Variants in KLHL13 observed in about 807,000 individuals in gnomAD.
The protein encoded by KLHL13 is kelch like family member 13.
A neutral mutation model predicts 37.1 loss-of-function variants in KLHL13; 10 were observed. The observed-to-expected ratio is 0.27, with a 90% CI of 0.17 to 0.46. KLHL13 has a LOEUF of 0.46. Ranked by LOEUF, KLHL13 falls within the 20% of genes least tolerant of loss-of-function variation. The pLI, the probability that KLHL13 is intolerant of heterozygous loss-of-function variation, is 1.00. For synonymous variants in KLHL13, 163 were observed against 181.2 expected (o/e 0.90, Z 0.81); for missense variants, 360 against 509.3 (o/e 0.71, Z 2.82).
rs750755409 is a variant in KLHL13, at chrX:117,991,137, T to TAAAAAAAAAAA, written c.-55-45573_-55-45563dup. 1.4e-3 allele frequency among the ~76,000 whole-genome samples: 119 copies of TAAAAAAAAAAA among 83,870 alleles called. 7 individuals are homozygous for TAAAAAAAAAAA. The highest frequency in any genetic ancestry group is 8.6e-3 in the African/African-American group (114 of 13,322). 72.8% of individuals were successfully genotyped at this position (83,870 alleles called of 115,157 possible). ...AAGGCTGGAAATTTTCATTAAAAAG[T>TAAAAAAAAAAA]AAAAAAAAAAAAGTCTTATAAATGA... On this transcript the variant is annotated intron_variant, in intron 1 of 6. Transcript: ENST00000371882.
rs756441702 is a variant in KLHL13, at chrX:118,075,388, C to T, written c.-56+41120G>A. Among the ~76,000 whole-genome samples, 17 of 112,082 alleles carry T rather than the reference C, an allele frequency of 1.5e-4. No individual in the cohort carries two copies. In the South Asian group the frequency reaches 6.3e-3, roughly 42 times the overall value. Reference sequence around the variant, plus strand: ...CTTCAGAATAGCATTAGCAGTATTTCTCAAAATGCAGTTGAACAAACTGAA... The same window carrying T: ...CTTCAGAATAGCATTAGCAGTATTTTTCAAAATGCAGTTGAACAAACTGAA... On this transcript the variant is annotated intron_variant, in intron 1 of 6. Transcript: ENST00000371882.
intron 1 of KLHL13, among the ~76,000 whole-genome samples, chrX:118,058,183 C>T (rs2054705477): frequency 8.9e-6 from 1 of 111,800 alleles, no homozygotes; most frequent in South Asian, 3.7e-4. Context: ...CACTGTTTCT[C>T]ATACTGATAT....
intron 1 of KLHL13, among the ~76,000 whole-genome samples, chrX:118,102,530 C>T (rs1043047978): frequency 2.7e-5 from 3 of 112,217 alleles, no homozygotes; most frequent in Non-Finnish European, 5.6e-5. Flanking sequence ...GCATATAATG[C>T]TGTGAGTACC....
intron 1 of KLHL13, among the ~76,000 whole-genome samples, chrX:118,031,143 C>T (rs1342956651): frequency 2.7e-5 from 3 of 110,480 alleles, no homozygotes; most frequent in Admixed American, 9.9e-5. Context: ...AGACCAGGTA[C>T]CTCCAAGTCT....
Position 117,934,655 on chromosome X carries a change from A to G in KLHL13, c.240+10779T>C, listed in dbSNP as rs141200375. ...AGGGATCTGTATCTAGAATACATAT[A>G]TATGTAAAATATATATATACACATA... On this transcript the variant is annotated intron_variant, in intron 2 of 6. Transcript: ENST00000262820. 3.4e-4 allele frequency among the ~76,000 whole-genome samples: 37 copies of G among 110,323 alleles called. 1 individual carries two copies. In the East Asian group the frequency reaches 0.01, roughly 30 times the overall value.
rs896852278 is a variant in KLHL13 at position 118,091,577 on chromosome X, C to T, written c.-56+24931G>A. 3.6e-5 allele frequency among the ~76,000 whole-genome samples: 4 copies of T among 109,845 alleles called. 1 individual carries two copies. The highest frequency in any genetic ancestry group is 1.3e-4 in the African/African-American group (4 of 30,450). On this transcript the variant is annotated intron_variant, in intron 1 of 6. Transcript: ENST00000371882. ...CAGTGAACTGTAAAACAGAAGAACA[C>T]TAATTATCCAACCTTAAAAACAAAG...
At chrX:117,993,925 G>A (rs1276042069) in intron 1 of KLHL13, among the ~76,000 whole-genome samples, 1 of 108,640 alleles carries the variant, frequency 9.2e-6, no homozygotes, top group African/African-American at 3.4e-5. Flanking sequence ...TAGTAGAGAC[G>A]GGGTTTCTCC....
chrX:117,934,339 T>C (rs1180128750), intron 2 of KLHL13, among the ~76,000 whole-genome samples: 1 of 110,861 alleles, frequency 9.0e-6, no homozygotes, highest in African/African-American at 3.3e-5. Context: ...TAAATTGAGG[T>C]TTATCAGACA....
At chrX:117,907,382 A>C (rs778901349) in intron 5 of KLHL13, among the ~76,000 whole-genome samples, 1 of 112,010 alleles carries the variant, frequency 8.9e-6, no homozygotes, top group South Asian at 3.7e-4. Context: ...AAGTAGCCGC[A>C]TATTAACAGG....
intron 1 of KLHL13, among the ~76,000 whole-genome samples, chrX:117,970,210 CAATGAAAACCACGT>C (rs2053501330): frequency 9.0e-6 from 1 of 111,478 alleles, no homozygotes; most frequent in Admixed American, 9.6e-5. Flanking sequence ...CTCAAGTCTT[CAATGAAAACCACGT>C]AATGTATATT....
intron 1 of KLHL13, among the ~76,000 whole-genome samples, chrX:118,030,860 T>C (rs186613898): frequency 2.1e-4 from 24 of 111,992 alleles, no homozygotes; most frequent in African/African-American, 7.8e-4. Context: ...TTTCTGCTCA[T>C]TGTAAATCAA....
intron 1 of KLHL13, among the ~76,000 whole-genome samples, chrX:118,048,791 T>C (rs1014658602): frequency 2.3e-4 from 26 of 111,200 alleles, no homozygotes; most frequent in African/African-American, 8.5e-4. Context: ...GACACCCTCA[T>C]GAATAAAAGG....
At chrX:117,927,066 C>T (rs1932099561) in intron 2 of KLHL13, among the ~76,000 whole-genome samples, 1 of 108,278 alleles carries the variant, frequency 9.2e-6, no homozygotes, top group African/African-American at 3.4e-5. Flanking sequence ...CCGCCACGCC[C>T]GGCTAATTTG....
In KLHL13 at chrX:118,079,603, C is replaced by A. The variant is rs1042261702; in HGVS notation, c.-56+36905G>T. On this transcript the variant is annotated intron_variant, in intron 1 of 6. Coordinates refer to the KLHL13 transcript ENST00000371882. Reference sequence around the variant, plus strand: ...GAACCAAGGAGGTAAAAGATCTCTACAAGGAGCACTATAAAACACTGCTGA... The same window carrying A: ...GAACCAAGGAGGTAAAAGATCTCTAAAAGGAGCACTATAAAACACTGCTGA... Among the ~76,000 whole-genome samples the A allele has an allele frequency of 3.6e-5, 4 of 109,995 alleles. No homozygotes were observed. In the Admixed American group the frequency reaches 3.9e-4, roughly 11 times the overall value.
chrX:117,960,745 T>C lies in KLHL13; in HGVS notation c.98+11986A>G, dbSNP rs763547252. The stretch of plus-strand genomic sequence containing the variant: ...ATAAACTGAAAATGTTTTGGGAAGG[T>C]AGAAATGTAGAGTCCTTTGAAATTT... On this transcript the variant is annotated intron_variant, in intron 1 of 6. Transcript: ENST00000262820. Among the ~76,000 whole-genome samples the C allele has an allele frequency of 3.6e-5, 4 of 112,001 alleles. No individual in the cohort carries two copies. In the South Asian group the frequency reaches 1.5e-3, roughly 42 times the overall value.
At chrX:117,971,971 T>C (rs2053530454) in intron 1 of KLHL13, among the ~76,000 whole-genome samples, 1 of 112,096 alleles carries the variant, frequency 8.9e-6, no homozygotes, top group South Asian at 3.7e-4. Flanking sequence ...TAAAAGAACA[T>C]TTTATTATAT....
At chrX:117,950,081 T>C (rs1933509846) in intron 1 of KLHL13, among the ~76,000 whole-genome samples, 1 of 112,762 alleles carries the variant, frequency 8.9e-6, no homozygotes, top group South Asian at 3.6e-4. Context: ...CCCTCATTTG[T>C]TTCATAGTGC....
At chrX:118,035,245 G>C (rs1301676810) in intron 1 of KLHL13, among the ~76,000 whole-genome samples, 2 of 101,882 alleles carry the variant, frequency 2.0e-5, no homozygotes, top group African/African-American at 4.3e-5. Flanking sequence ...CATTTTATGA[G>C]GCCAGCATCA....
intron 1 of KLHL13, among the ~76,000 whole-genome samples, chrX:118,074,704 A>G (rs925763721): frequency 8.9e-6 from 1 of 112,014 alleles, no homozygotes; most frequent in African/African-American, 3.2e-5. Flanking sequence ...CCTCCAGTAA[A>G]GTCATTTTTG....
Sources: allele counts gnomAD v4.1 joint callset (sites outside exome capture counted in the v4.1 genomes callset), GRCh38; gene constraint gnomAD v4.1.1; transcripts MANE v1.5; gene names NCBI Gene and HGNC (gene_info 2026-07-23, HGNC 2026-07-21).